The following MAPK9 variants were observed in gnomAD, a reference collection of about 807,000 sequenced individuals.
MAPK9 encodes Jun kinase.
A neutral mutation model predicts 57.1 loss-of-function variants in MAPK9; 30 were observed. That is an observed-to-expected ratio of 0.53 (90% confidence interval 0.39 to 0.71). The LOEUF is 0.71. Ranked by LOEUF, MAPK9 falls within the 30% of genes least tolerant of loss-of-function variation. The pLI, the probability that MAPK9 is intolerant of heterozygous loss-of-function variation, is 0.00. For synonymous variants in MAPK9, 155 were observed against 177.0 expected, an observed-to-expected ratio of 0.88 and a Z score of 0.99; for missense variants, 362 against 521.0, an observed-to-expected ratio of 0.69 and a Z score of 2.97.
chr5:180,282,327 G>T (rs557776402), intron 1 of MAPK9, among the ~76,000 whole-genome samples: 30 of 152,228 alleles, frequency 2.0e-4, no homozygotes, highest in Non-Finnish European at 4.0e-4. Flanking sequence ...GGTAAGTATA[G>T]CAAAAGATAT....
intron 3 of MAPK9, among the ~76,000 whole-genome samples, chr5:180,268,390 T>C (rs1042042074): frequency 3.3e-5 from 5 of 152,240 alleles, no homozygotes; most frequent in African/African-American, 9.6e-5. Context: ...AAATATTTAG[T>C]TGTTTCTCAA....
intron 11 of MAPK9, 108 bp from the exon 12 acceptor site, chr5:180,236,634 A>C (rs561742010): frequency 1.1e-4 from 134 of 1,210,308 alleles, no homozygotes; most frequent in Middle Eastern, 2.5e-4. Context: ...GCAGTTTCCC[A>C]ATCCTAACTA....
rs147124741 is a variant in MAPK9 at position 180,236,518 on chromosome 5, C to A, written c.1141G>T (p.Val381Leu). 3.1e-6 allele frequency: 5 copies of A among 1,613,754 alleles called. No individual in the cohort carries two copies. Among genetic ancestry groups the A allele is most frequent in the Non-Finnish European group, 4.2e-6 (5 of 1,179,748 alleles). ...VVKDQPSDAAVSSNATPSQSS... is the reference protein window; with the variant it reads ...VVKDQPSDAALSSNATPSQSS... ...TGAGAAGGAGTGGCGTTGCTACTTACTGCTGCATCTGTGCTAAGAAAACCA... is the reference window on the plus strand; with the variant it reads ...TGAGAAGGAGTGGCGTTGCTACTTAATGCTGCATCTGTGCTAAGAAAACCA... Residue 381 changes from valine to leucine, a missense_variant, in exon 12 of 12, where the codon GTA (valine) becomes TTA (leucine). This residue lies in a region of MAPK9 where 199 missense variants were observed against 251.3 expected (regional missense o/e 0.79). Transcript: ENST00000452135.
At position 180,266,641 on chromosome 5, in the gene MAPK9, T is replaced by C. The variant is rs553689703; in HGVS notation, c.253-1802A>G. 2.5e-3 allele frequency among the ~76,000 whole-genome samples: 379 copies of C among 151,552 alleles called. 1 individual carries two copies. Among genetic ancestry groups the C allele is most frequent in the African/African-American group, 8.5e-3 (351 of 41,272 alleles). On this transcript the variant is annotated intron_variant, in intron 3 of 11. Coordinates refer to ENST00000452135, the MANE Select transcript of MAPK9 (RefSeq NM_002752.5). ...CTGATACTTTTTTTTTTTTAGGAGA[T>C]GGGGTCTTGTTTTGTTGCCCAGGTG...
At chr5:180,276,781 G>A (rs766699722) in intron 2 of MAPK9, among the ~76,000 whole-genome samples, 3 of 152,212 alleles carry the variant, frequency 2.0e-5, no homozygotes, top group Non-Finnish European at 2.9e-5. Flanking sequence ...TTGAACCCGC[G>A]AGGCGGAGGT....
At chr5:180,279,463 T>C (rs1386822134) in intron 2 of MAPK9, among the ~76,000 whole-genome samples, 1 of 152,116 alleles carries the variant, frequency 6.6e-6, no homozygotes, top group Admixed American at 6.5e-5. Context: ...AAAACAACTG[T>C]TTCCCTGATC....
intron 1 of MAPK9, among the ~76,000 whole-genome samples, chr5:180,288,191 A>G (rs1165421499): frequency 6.6e-6 from 1 of 152,240 alleles, no homozygotes; most frequent in African/African-American, 2.4e-5. Context: ...ACTTACAGAG[A>G]TTACAGAGAA....
At chr5:180,246,424 T>G (rs1385399294) in intron 7 of MAPK9, 1 of 152,332 alleles carries the variant, frequency 6.6e-6, no homozygotes, top group South Asian at 2.1e-4. Context: ...AAGTTTGCAC[T>G]GTGAAGAATT....
intron 3 of MAPK9, 118 bp downstream of exon 3, chr5:180,269,162 G>A: frequency 9.1e-7 from 1 of 1,099,352 alleles, no homozygotes; most frequent in Non-Finnish European, 1.3e-6. Context: ...AATGTTAATA[G>A]CCATTTTTAT....
Position 180,247,894 on chromosome 5 carries a change from C to A in MAPK9, c.617-384G>T, listed in dbSNP as rs1417233907. On this transcript the variant is annotated intron_variant, in intron 6 of 11. Coordinates refer to ENST00000452135, the MANE Select transcript of MAPK9 (RefSeq NM_002752.5). This position sits in a 1 kb window ranked among gnomAD's most constrained non-coding sequence, Gnocchi z 4.5. ...AACAGGACTTTATGGAGGACCATTT[C>A]TGCCATGATGCACCCGACAGACCAG... 19 of 1,614,048 alleles carry A rather than the reference C, an allele frequency of 1.2e-5. No homozygotes were observed. The highest frequency in any genetic ancestry group is 2.7e-5 in the African/African-American group (2 of 74,930).
At chr5:180,271,377 C>A (rs1761295840) in intron 2 of MAPK9, among the ~76,000 whole-genome samples, 1 of 152,200 alleles carries the variant, frequency 6.6e-6, no homozygotes, top group Non-Finnish European at 1.5e-5. Context: ...AAATGATTCA[C>A]CTACTCCCCA....
intron 3 of MAPK9, among the ~76,000 whole-genome samples, chr5:180,267,925 C>A (rs1464040194): frequency 5.3e-5 from 8 of 152,086 alleles, no homozygotes; most frequent in Non-Finnish European, 2.9e-5. Context: ...TGCAGTGGTG[C>A]TATCTCAGCT....
At chr5:180,281,716 T>C (rs190456744) in intron 1 of MAPK9, among the ~76,000 whole-genome samples, 1 of 152,252 alleles carries the variant, frequency 6.6e-6, no homozygotes, top group African/African-American at 2.4e-5. Context: ...ATGGAAAAAA[T>C]GGATTAATAA....
At chr5:180,245,218 C>T (rs1366060486) in intron 7 of MAPK9, among the ~76,000 whole-genome samples, 1 of 152,180 alleles carries the variant, frequency 6.6e-6, no homozygotes, top group African/African-American at 2.4e-5. Flanking sequence ...CAGACATCTC[C>T]AAACCCTAGC....
Position 180,242,597 on chromosome 5 carries a change from C to T in MAPK9, c.847G>A (p.Glu283Lys). Residue 283 changes from glutamate (E) to lysine (K), a missense_variant, in exon 8 of 12, where the codon GAA becomes AAA. By Grantham distance (56) the Glu-to-Lys change is moderately conservative. Coordinates refer to ENST00000452135, the MANE Select transcript of MAPK9 (RefSeq NM_002752.5). ...ELFPDWIFPS[E>K]SERDKIKTSQ... is the part of the protein sequence containing the mutation. Reference sequence around the variant, plus strand: ...CTTTTTATTTTGTCTCGCTCAGATTCTGATGGGAATATCCAATCTGGAAAG... The same window carrying T: ...CTTTTTATTTTGTCTCGCTCAGATTTTGATGGGAATATCCAATCTGGAAAG... The T allele has an allele frequency of 1.2e-6, 2 of 1,613,456 alleles. No homozygotes were observed. The highest frequency in any genetic ancestry group is 1.7e-6 in the Non-Finnish European group (2 of 1,179,750).
In MAPK9 at chr5:180,247,267, T is replaced by C. The variant is rs904761326; in HGVS notation, c.688+172A>G. 24 of 650,754 alleles carry C rather than the reference T, an allele frequency of 3.7e-5. No homozygotes were observed. The highest frequency in any genetic ancestry group is 6.1e-5 in the Non-Finnish European group (23 of 377,178). 40.3% of individuals were successfully genotyped at this position (650,754 alleles called of 1,614,324 possible). Reference sequence around the variant, plus strand: ...GTCAAGTTAAAAATAAAGAATGAAATTGAACCACTTGGCTTGTGACACTAA... The same window carrying C: ...GTCAAGTTAAAAATAAAGAATGAAACTGAACCACTTGGCTTGTGACACTAA... On this transcript the variant is annotated intron_variant, in intron 7 of 11. Transcript: ENST00000452135. This position sits in a 1 kb window ranked among gnomAD's most constrained non-coding sequence, Gnocchi z 4.5.
In MAPK9 at chr5:180,267,543, C is replaced by T. The variant is rs532941343; in HGVS notation, c.252+1737G>A. ...CGCCACTGCCCTCCAGGTTGGGCGA[C>T]AGAGCGAGACTCCGTCTCAAAAAAA... On this transcript the variant is annotated intron_variant, in intron 3 of 11. Transcript: ENST00000452135. 3.8e-3 allele frequency among the ~76,000 whole-genome samples: 421 copies of T among 111,778 alleles called. 3 individuals are homozygous for T. In the Middle Eastern group the frequency reaches 0.038, roughly 10 times the overall value. 73.3% of individuals were successfully genotyped at this position (111,778 alleles called of 152,430 possible).
chr5:180,239,168 C>T (rs1055236934), intron 10 of MAPK9, among the ~76,000 whole-genome samples: 1 of 152,238 alleles, frequency 6.6e-6, no homozygotes, highest in Non-Finnish European at 1.5e-5. Flanking sequence ...TTAATTTCAA[C>T]TTCGGTTTTC....
At chr5:180,260,499 G>A (rs1759826044) in intron 5 of MAPK9, among the ~76,000 whole-genome samples, 1 of 152,126 alleles carries the variant, frequency 6.6e-6, no homozygotes, top group South Asian at 2.1e-4. Context: ...TAAATATATT[G>A]TGTTTGTCAG....
Sources: gnomAD v4.1 joint callset for allele counts (sites outside exome capture counted in the v4.1 genomes callset) on GRCh38, gnomAD v4.1.1 for gene constraint, gnomAD v4.1.1 regional missense constraint, Gnocchi (gnomAD v3.1) non-coding constraint, MANE v1.5 for transcripts, NCBI Gene and HGNC (gene_info 2026-07-23, HGNC 2026-07-21) for gene names.